GHR: variants seen among roughly 807,000 people sequenced by gnomAD.
GHR encodes GH receptor.
Under a neutral mutation model 67.1 loss-of-function variants are expected in GHR, and 35 were observed. That is an observed-to-expected ratio of 0.52 (90% CI 0.40 to 0.69). The LOEUF (loss-of-function observed/expected upper bound fraction) is 0.69. Among genes scored for constraint, GHR ranks in the 30% least tolerant of loss-of-function variants. The pLI is 0.00. For missense variants in GHR, 792 were observed against 764.6 expected (o/e 1.04, Z -0.42); for synonymous variants, 272 against 269.1 (o/e 1.01, Z -0.10).
chr5:42,721,245 A>T lies in GHR; in HGVS notation c.*1821A>T, dbSNP rs1759008976. On this transcript the variant is annotated 3_prime_UTR_variant, in exon 10 of 10. Transcript: ENST00000230882. The stretch of plus-strand genomic sequence containing the variant: ...AGCCCTAAACATCATTCTTGAGAGC[A>T]TTGGGATATCTCCTGAAAAGGTTTA... 6.6e-6 allele frequency: 1 copy of T among 152,188 alleles called. No individual in the cohort carries two copies. Among genetic ancestry groups the T allele is most frequent in the African/African-American group, 2.4e-5 (1 of 41,460 alleles). 9.4% of individuals were successfully genotyped at this position (152,188 alleles called of 1,614,324 possible).
chr5:42,484,566 CT>C (rs1745796077), intron 1 of GHR, among the ~76,000 whole-genome samples: 1 of 152,212 alleles, frequency 6.6e-6, no homozygotes, highest in Non-Finnish European at 1.5e-5. Flanking sequence ...GCTCTTTTGT[CT>C]TCAGTGTGAC....
intron 1 of GHR, among the ~76,000 whole-genome samples, chr5:42,565,132 G>A (rs138095770): frequency 9.3e-4 from 141 of 152,284 alleles, no homozygotes; most frequent in African/African-American, 3.4e-3. Context: ...TCCAGGTGTG[G>A]CCACACTGGG....
At chr5:42,492,303 A>T (rs977688819) in intron 1 of GHR, among the ~76,000 whole-genome samples, 1 of 152,226 alleles carries the variant, frequency 6.6e-6, no homozygotes, top group African/African-American at 2.4e-5. Flanking sequence ...GAATGAGAAG[A>T]TTAGGAAAGA....
In GHR at chr5:42,456,727, A is replaced by T. The variant is rs1427137809; in HGVS notation, c.-12+32772A>T. Reference sequence around the variant, plus strand: ...AAATCTCCAATTATTTGAATTGCTTATTTCCACATCCAGAAAAGAGACGGT... The same window carrying T: ...AAATCTCCAATTATTTGAATTGCTTTTTTCCACATCCAGAAAAGAGACGGT... On this transcript the variant is annotated intron_variant, in intron 1 of 9. Coordinates refer to ENST00000230882, the MANE Select transcript of GHR (RefSeq NM_000163.5). 2.6e-5 allele frequency among the ~76,000 whole-genome samples: 4 copies of T among 152,206 alleles called. No homozygotes were observed. The East Asian group carries it at 7.7e-4, about 29-fold the overall frequency.
At chr5:42,627,076 A>T (rs981165820) in intron 2 of GHR, among the ~76,000 whole-genome samples, 1 of 152,168 alleles carries the variant, frequency 6.6e-6, no homozygotes, top group Admixed American at 6.5e-5. Context: ...CTGTGTTTAT[A>T]GTGGATGAAT....
chr5:42,440,505 G>A (rs1743517975), intron 1 of GHR, among the ~76,000 whole-genome samples: 1 of 152,204 alleles, frequency 6.6e-6, no homozygotes, highest in Non-Finnish European at 1.5e-5. Flanking sequence ...GAAGAAGCCA[G>A]AAAAGTAAGC....
At chr5:42,531,492 G>C (rs1747967186) in intron 1 of GHR, among the ~76,000 whole-genome samples, 1 of 149,460 alleles carries the variant, frequency 6.7e-6, no homozygotes, top group African/African-American at 2.5e-5. Context: ...TTTTTTTTTA[G>C]AGTGGGTCTC....
chr5:42,718,590 C>T lies in GHR; in HGVS notation c.1083C>T (p.Asp361=). 2 of 1,614,102 alleles carry T rather than the reference C, an allele frequency of 1.2e-6. No homozygotes were observed. The highest frequency in any genetic ancestry group is 1.7e-6 in the Non-Finnish European group (2 of 1,179,990). Residue 361 remains aspartate, a synonymous_variant, in exon 10 of 10, where the codon GAC becomes GAT. Transcript: ENST00000230882. The part of the protein sequence containing the change: ...DEPDEKTEES[D]TDRLLSSDHE... ...CAGATGAAAAGACTGAGGAATCAGA[C>T]ACAGACAGACTTCTAAGCAGTGACC...
At chr5:42,506,127 A>G (rs977394088) in intron 1 of GHR, among the ~76,000 whole-genome samples, 3 of 152,236 alleles carry the variant, frequency 2.0e-5, no homozygotes, top group Non-Finnish European at 2.9e-5. Context: ...TCCATGCTGC[A>G]TACTCAGTGA....
At chr5:42,688,814 C>T in intron 3 of GHR, 76 bp from the exon 4 acceptor site, 1 of 1,341,824 alleles carries the variant, frequency 7.5e-7, no homozygotes, top group South Asian at 1.2e-5. Flanking sequence ...TCTTCACACA[C>T]TTTAGATACG....
At chr5:42,643,111 A>G (rs1292451613) in intron 3 of GHR, among the ~76,000 whole-genome samples, 1 of 152,164 alleles carries the variant, frequency 6.6e-6, no homozygotes, top group Non-Finnish European at 1.5e-5. Context: ...TTTGGAGGAT[A>G]CAGTTCAACC....
chr5:42,564,324 ATG>A (rs1289739296), intron 1 of GHR, among the ~76,000 whole-genome samples: 1 of 86,866 alleles, frequency 1.2e-5, no homozygotes, highest in Non-Finnish European at 2.4e-5. Flanking sequence ...AAATCTCACA[ATG>A]TGTGAGATTT....
chr5:42,584,966 A>C (rs887276533), intron 2 of GHR, among the ~76,000 whole-genome samples: 1 of 152,184 alleles, frequency 6.6e-6, no homozygotes, highest in Non-Finnish European at 1.5e-5. Context: ...TCTGGATTCC[A>C]GTTCCCTGTT....
chr5:42,433,389 C>A (rs1388683119), intron 1 of GHR, among the ~76,000 whole-genome samples: 1 of 151,924 alleles, frequency 6.6e-6, no homozygotes, highest in Non-Finnish European at 1.5e-5. Flanking sequence ...GGATGTAAGT[C>A]TGGCCAGGCT....
intron 3 of GHR, among the ~76,000 whole-genome samples, chr5:42,645,471 C>G (rs940384606): frequency 6.6e-6 from 1 of 152,160 alleles, no homozygotes; most frequent in African/African-American, 2.4e-5. Flanking sequence ...AACCAATAGG[C>G]TTTTTATTTA....
intron 3 of GHR, among the ~76,000 whole-genome samples, chr5:42,680,151 C>A (rs2111578901): frequency 6.6e-6 from 1 of 152,350 alleles, no homozygotes; most frequent in Non-Finnish European, 1.5e-5. Context: ...ATCACCATCT[C>A]TTGTTTATTA....
chr5:42,605,464 C>G lies in GHR; in HGVS notation c.71-23574C>G, dbSNP rs1221083102. On this transcript the variant is annotated intron_variant, in intron 2 of 9. Coordinates refer to ENST00000230882, the MANE Select transcript of GHR (RefSeq NM_000163.5). ...ACCACCAGTTTTGTTCTTAGTGGCC[C>G]TCGGTAGGAATGTCCCAAGTCCTAA... Among the ~76,000 whole-genome samples, 5 of 151,930 alleles carry G rather than the reference C, an allele frequency of 3.3e-5. No individual in the cohort carries two copies. The East Asian group carries it at 7.8e-4, about 24-fold the overall frequency.
chr5:42,595,120 A>G (rs2112609508), intron 2 of GHR, among the ~76,000 whole-genome samples: 1 of 152,310 alleles, frequency 6.6e-6, no homozygotes, highest in East Asian at 1.9e-4. Context: ...ATGAATTTAG[A>G]CAGAGGCCAA....
intron 4 of GHR, among the ~76,000 whole-genome samples, chr5:42,691,068 G>A (rs1276678932): frequency 1.3e-5 from 2 of 151,850 alleles, no homozygotes; most frequent in African/African-American, 2.4e-5. Flanking sequence ...CATCAATCAG[G>A]GTCACATAAC....
Sources: gnomAD v4.1 joint callset for allele counts (sites outside exome capture counted in the v4.1 genomes callset) on GRCh38, gnomAD v4.1.1 for gene constraint, MANE v1.5 for transcripts, NCBI Gene and HGNC (gene_info 2026-07-23, HGNC 2026-07-21) for gene names.